TRERF1: variants seen among roughly 807,000 people sequenced by gnomAD.
The protein encoded by TRERF1 is transcriptional-regulating factor 1.
In TRERF1, 27 loss-of-function variants were observed where a neutral mutation model predicts 122.9. That is an observed-to-expected ratio of 0.22 (90% CI 0.16 to 0.30). TRERF1 has a LOEUF of 0.30. TRERF1 is among the 10% of genes least tolerant of loss of function. The pLI, the probability that TRERF1 is intolerant of heterozygous loss-of-function variation, is 1.00. For synonymous variants in TRERF1, 636 were observed against 641.7 expected (o/e 0.99, Z 0.13); for missense variants, 1,248 against 1,560.3 (o/e 0.80, Z 3.37).
At chr6:42,341,430 G>C (rs1195894309) in intron 3 of TRERF1, among the ~76,000 whole-genome samples, 1 of 152,228 alleles carries the variant, frequency 6.6e-6, no homozygotes, top group Non-Finnish European at 1.5e-5. Context: ...TGGGTGGTCT[G>C]TGTGTATGTC....
rs572186346 is a variant in TRERF1, at chr6:42,364,662, T to C, written c.-453-1583A>G. 2.5e-4 allele frequency among the ~76,000 whole-genome samples: 38 copies of C among 152,274 alleles called. No homozygotes were observed. In the South Asian group the frequency reaches 7.7e-3, roughly 31 times the overall value. ...GGCAACATGGAAGCCGTGGGTGACC[T>C]TAGAGAGGGCAGCCCCTGCAGAAGG... On this transcript the variant is annotated intron_variant, in intron 2 of 17. Transcript: ENST00000372922.
rs1554134255 is a variant in TRERF1 at position 42,262,601 on chromosome 6, C to CAGAGAGAGAGAGAGAGAGAG, written c.1884+718_1884+719insCTCTCTCTCTCTCTCTCTCT. ...AGAGAGAGAGAGAGAGAGAGAGAGA[C>CAGAGAGAGAGAGAGAGAGAG]AGACAGACGGAAACCCTTCCCAGAG... On this transcript the variant is annotated intron_variant, in intron 8 of 17. Coordinates refer to ENST00000372922, the Ensembl canonical transcript of TRERF1. Among the ~76,000 whole-genome samples, 53 of 59,178 alleles carry CAGAGAGAGAGAGAGAGAGAG rather than the reference C, an allele frequency of 9.0e-4. 1 individual carries two copies. Among genetic ancestry groups the CAGAGAGAGAGAGAGAGAGAG allele is most frequent in the South Asian group, 1.5e-3 (3 of 2,038 alleles). The allele number at this position is 59,178 out of a possible 152,430, so 38.8% of individuals were successfully genotyped here.
At position 42,263,303 on chromosome 6, in the gene TRERF1, G is replaced by A. The variant is rs1367906396; in HGVS notation, c.1884+17C>T. 3.1e-6 allele frequency: 5 copies of A among 1,604,126 alleles called. No individual in the cohort carries two copies. Among genetic ancestry groups the A allele is most frequent in the South Asian group, 1.1e-5 (1 of 88,738 alleles). ...AGCCCCTTGGGGTGAGTGTGGGGGA[G>A]AGAGGGTCATCCTCACGAGCACAGG... On this transcript the variant is annotated intron_variant, in intron 8 of 17. Transcript: ENST00000372922. The surrounding 1 kb of genome is among the most constrained non-coding windows in gnomAD (Gnocchi z 5.6).
chr6:42,275,622 G>A lies in TRERF1; in HGVS notation c.-258-5774C>T, dbSNP rs1490191909. Among the ~76,000 whole-genome samples, 3 of 152,356 alleles carry A rather than the reference G, an allele frequency of 2.0e-5. No homozygotes were observed. The highest frequency in any genetic ancestry group is 1.9e-4 in the East Asian group (1 of 5,188). ...AACGCTCACTGAACTGCAACACTGC[G>A]CTAGGCAAAGGAGACCTAGAGTGGC... On this transcript the variant is annotated intron_variant, in intron 4 of 17. Coordinates refer to ENST00000372922, the Ensembl canonical transcript of TRERF1. This position sits in a 1 kb window ranked among gnomAD's most constrained non-coding sequence, Gnocchi z 4.1.
At chr6:42,428,258 T>C (rs1055463666) in intron 2 of TRERF1, among the ~76,000 whole-genome samples, 3 of 152,358 alleles carry the variant, frequency 2.0e-5, no homozygotes, top group Admixed American at 1.3e-4. Context: ...TCAATGATTT[T>C]CCCCTTAATT....
At position 42,278,782 on chromosome 6, in the gene TRERF1, T is replaced by C. The variant is rs531302242; in HGVS notation, c.-258-8934A>G. Among the ~76,000 whole-genome samples the C allele has an allele frequency of 9.9e-5, 15 of 152,254 alleles. No individual in the cohort carries two copies. In the South Asian group the frequency reaches 3.1e-3, roughly 32 times the overall value. The stretch of plus-strand genomic sequence containing the variant: ...TGCTTTCATGATCACATGTGTCCCC[T>C]AAGGAGGAGCTGCTAAGAGAATTTC... On this transcript the variant is annotated intron_variant, in intron 4 of 17. Transcript: ENST00000372922.
chr6:42,358,424 C>T (rs1347617784), intron 3 of TRERF1, among the ~76,000 whole-genome samples: 3 of 152,192 alleles, frequency 2.0e-5, no homozygotes, highest in Non-Finnish European at 2.9e-5. Context: ...CTCTTAGGCT[C>T]CAAGTGAGGC....
At chr6:42,361,453 G>A (rs1222819420) in intron 3 of TRERF1, among the ~76,000 whole-genome samples, 2 of 152,154 alleles carry the variant, frequency 1.3e-5, no homozygotes, top group East Asian at 3.8e-4. Context: ...TTTTTAAACT[G>A]TTTCAAATGT....
intron 13 of TRERF1, among the ~76,000 whole-genome samples, chr6:42,251,058 G>A (rs543007731): frequency 3.2e-4 from 45 of 141,656 alleles, no homozygotes; most frequent in African/African-American, 1.1e-3. Flanking sequence ...GTGCAGTGGC[G>A]TGATCTCAGC....
chr6:42,250,740 G>C (rs1315093745), intron 13 of TRERF1, among the ~76,000 whole-genome samples: 1 of 152,060 alleles, frequency 6.6e-6, no homozygotes, highest in Non-Finnish European at 1.5e-5. Flanking sequence ...AGATGATTAA[G>C]GCTAATTACA....
intron 4 of TRERF1, among the ~76,000 whole-genome samples, chr6:42,299,118 C>CTGTCTG (rs1561938851): frequency 7.8e-5 from 9 of 115,016 alleles, no homozygotes; most frequent in African/African-American, 3.5e-4. Flanking sequence ...CTGTCTGTCT[C>CTGTCTG]TATCTATCTA....
In TRERF1 at chr6:42,228,873, C is replaced by T. The variant is rs536388274; in HGVS notation, c.3279-204G>A. Among the ~76,000 whole-genome samples the T allele has an allele frequency of 9.0e-4, 137 of 152,268 alleles. 2 individuals are homozygous for T. In the Middle Eastern group the frequency reaches 0.01, roughly 11 times the overall value. Reference sequence around the variant, plus strand: ...GGAAAGGGATGGGGACAGAACACACCTACTGTGCCTCAGGCTTCCTTCCTG... The same window carrying T: ...GGAAAGGGATGGGGACAGAACACACTTACTGTGCCTCAGGCTTCCTTCCTG... On this transcript the variant is annotated intron_variant, in intron 17 of 17. Transcript: ENST00000372922. The surrounding 1 kb of genome is among the most constrained non-coding windows in gnomAD (Gnocchi z 4.2).
intron 4 of TRERF1, among the ~76,000 whole-genome samples, chr6:42,294,337 C>T (rs920856373): frequency 6.6e-6 from 1 of 151,854 alleles, no homozygotes; most frequent in Admixed American, 6.6e-5. Context: ...CGCCACCACG[C>T]CCGGCTAATT....
intron 3 of TRERF1, among the ~76,000 whole-genome samples, chr6:42,337,578 C>G (rs923179432): frequency 2.6e-5 from 4 of 152,162 alleles, no homozygotes; most frequent in Admixed American, 1.3e-4. Context: ...CACAGACAGG[C>G]ACGCGTAATG....
intron 3 of TRERF1, among the ~76,000 whole-genome samples, chr6:42,321,111 A>G (rs1763374538): frequency 6.6e-6 from 1 of 150,538 alleles, no homozygotes; most frequent in South Asian, 2.1e-4. Flanking sequence ...CACCCTTCAT[A>G]GGTGGCTCAT....
chr6:42,285,047 GT>G (rs1561909890), intron 4 of TRERF1, among the ~76,000 whole-genome samples: 1 of 152,158 alleles, frequency 6.6e-6, no homozygotes, highest in African/African-American at 2.4e-5. Context: ...AAGGGATGGG[GT>G]TGAATCTGTA....
At chr6:42,317,728 T>C (rs1319388855) in intron 3 of TRERF1, among the ~76,000 whole-genome samples, 6 of 151,740 alleles carry the variant, frequency 4.0e-5, no homozygotes, top group Non-Finnish European at 8.8e-5. Context: ...AGATACAAAA[T>C]AAAAAGAAGA....
At chr6:42,439,305 T>C (rs955024014) in intron 2 of TRERF1, among the ~76,000 whole-genome samples, 6 of 152,180 alleles carry the variant, frequency 3.9e-5, no homozygotes, top group African/African-American at 1.4e-4. Context: ...GGGTTCTCCC[T>C]GCCCAATCCC....
chr6:42,313,283 C>T (rs1275776010), intron 3 of TRERF1, among the ~76,000 whole-genome samples: 2 of 152,112 alleles, frequency 1.3e-5, no homozygotes, highest in African/African-American at 2.4e-5. Context: ...AAAAATAACT[C>T]TAAGTATGAA....
Sources: allele counts gnomAD v4.1 joint callset (sites outside exome capture counted in the v4.1 genomes callset), GRCh38; gene constraint gnomAD v4.1.1; non-coding constraint Gnocchi (gnomAD v3.1); transcripts MANE v1.5; gene names NCBI Gene and HGNC (gene_info 2026-07-23, HGNC 2026-07-21).